Variants in SLC17A5 observed in about 807,000 individuals in gnomAD.
SLC17A5 encodes the protein sialin.
Under a neutral mutation model 59.4 loss-of-function variants are expected in SLC17A5, and 47 were observed. That is an observed-to-expected ratio of 0.79 (90% CI 0.63 to 1.01). SLC17A5 has a LOEUF of 1.01. Among genes scored for constraint, SLC17A5 ranks in the 50% least tolerant of loss-of-function variants. The probability of loss-of-function intolerance (pLI) is 0.00; values close to 1 mark genes in which losing one functional copy is unlikely to be tolerated. For missense variants in SLC17A5, 522 were observed against 595.5 expected (o/e 0.88, Z 1.28); for synonymous variants, 202 against 210.7 (o/e 0.96, Z 0.36).
chr6:73,604,729 T>C (rs1741898), intron 9 of SLC17A5, among the ~76,000 whole-genome samples: 60,079 of 151,972 alleles, frequency 0.4, 12,387 homozygotes, highest in African/African-American at 0.49. Context: ...CCAGCCTGGG[T>C]GACAGGGTGT....
chr6:73,653,701 C>T, intron 1 of SLC17A5, 92 bp downstream of exon 1: 4 of 1,310,906 alleles, frequency 3.1e-6, no homozygotes, highest in Middle Eastern at 4.5e-4. Flanking sequence ...CCCGCCGGCG[C>T]AGGGTGCGGG....
chr6:73,599,927 G>C (rs768301994), intron 10 of SLC17A5, among the ~76,000 whole-genome samples: 2 of 152,074 alleles, frequency 1.3e-5, no homozygotes, highest in Non-Finnish European at 2.9e-5. Flanking sequence ...CTCCTGAGTA[G>C]CTGGGACTAC....
intron 6 of SLC17A5, among the ~76,000 whole-genome samples, chr6:73,623,258 C>T (rs567287934): frequency 2.0e-4 from 31 of 152,142 alleles, no homozygotes; most frequent in Non-Finnish European, 3.8e-4. Context: ...AGGCTGGTCT[C>T]GAACTCCTGA....
Position 73,631,670 on chromosome 6 carries a change from C to A in SLC17A5, c.819+3712G>T, listed in dbSNP as rs1233952029. Among the ~76,000 whole-genome samples the A allele has an allele frequency of 3.8e-4, 58 of 151,842 alleles. 1 individual carries two copies. The highest frequency in any genetic ancestry group is 3.7e-3 in the Admixed American group (56 of 15,258). On this transcript the variant is annotated intron_variant, in intron 6 of 10. Transcript: ENST00000355773. ...ACACAAGGAAGCTTTTCCTGTCTGC[C>A]CCAGGCTGGCTGAGGACTGCCACCT...
chr6:73,628,292 T>C (rs1268764049), intron 6 of SLC17A5, among the ~76,000 whole-genome samples: 3 of 152,108 alleles, frequency 2.0e-5, no homozygotes, highest in Non-Finnish European at 4.4e-5. Flanking sequence ...TATGCGTGGC[T>C]GGGCGTGGTG....
intron 9 of SLC17A5, among the ~76,000 whole-genome samples, chr6:73,601,072 G>A (rs1262366774): frequency 1.4e-5 from 2 of 147,934 alleles, no homozygotes; most frequent in Admixed American, 6.8e-5. Flanking sequence ...GTCTCTGCCC[G>A]GCCGCCATCC....
At chr6:73,624,450 A>C (rs1768308026) in intron 6 of SLC17A5, among the ~76,000 whole-genome samples, 1 of 152,184 alleles carries the variant, frequency 6.6e-6, no homozygotes, top group Admixed American at 6.5e-5. Context: ...GTTATAGCAA[A>C]GAAGTTTTTT....
At chr6:73,604,992 T>C (rs1267947704) in intron 9 of SLC17A5, among the ~76,000 whole-genome samples, 1 of 152,202 alleles carries the variant, frequency 6.6e-6, no homozygotes, top group Non-Finnish European at 1.5e-5. Context: ...TATCTTCATT[T>C]TATTTTTAAA....
chr6:73,619,217 T>G (rs1309074608), intron 7 of SLC17A5, among the ~76,000 whole-genome samples: 1 of 152,078 alleles, frequency 6.6e-6, no homozygotes, highest in Non-Finnish European at 1.5e-5. Context: ...ACTTCAAAGA[T>G]CAAGAGCCCT....
In SLC17A5 at chr6:73,645,241, T is replaced by A. The variant is rs538181166; in HGVS notation, c.95-638A>T. The A allele has an allele frequency of 4.8e-5, 39 of 814,326 alleles. No individual in the cohort carries two copies. In the African/African-American group the frequency reaches 6.1e-4, roughly 13 times the overall value. 50.4% of individuals were successfully genotyped at this position (814,326 alleles called of 1,614,324 possible). On this transcript the variant is annotated intron_variant, in intron 1 of 10. Coordinates refer to ENST00000355773, the MANE Select transcript of SLC17A5 (RefSeq NM_012434.5). ...GTTAAATGTAGCATAGCAAAAAAAA[T>A]TTACTGCCAAGGGTAGGGCATGAAA...
chr6:73,635,742 C>CTT lies in SLC17A5; in HGVS notation c.701-244_701-243dup, dbSNP rs34409077. Reference sequence around the variant, plus strand: ...TGCTTATACATTTTGAAGAAAACAACTTTTTTTTTTTTTTTTGAGATAGAG... The same window carrying CTT: ...TGCTTATACATTTTGAAGAAAACAACTTTTTTTTTTTTTTTTTTGAGATAGAG... On this transcript the variant is annotated intron_variant, in intron 5 of 10. Transcript: ENST00000355773. 1.2e-3 allele frequency among the ~76,000 whole-genome samples: 174 copies of CTT among 142,334 alleles called. No individual in the cohort carries two copies. The Middle Eastern group carries it at 0.015, about 12-fold the overall frequency. 93.4% of individuals were successfully genotyped at this position (142,334 alleles called of 152,430 possible). A position where few individuals can be genotyped will look rare whatever the true frequency, so the allele number is the denominator to read the frequency against.
intron 7 of SLC17A5, among the ~76,000 whole-genome samples, chr6:73,616,174 G>A (rs867033948): frequency 1.2e-4 from 18 of 152,130 alleles, no homozygotes; most frequent in Middle Eastern, 3.4e-3. Context: ...ATGAGCCACC[G>A]CACCCGGCCT....
At position 73,653,912 on chromosome 6, in the gene SLC17A5, G is replaced by A. The variant is rs755979900; in HGVS notation, c.-26C>T. 39 of 1,573,906 alleles carry A rather than the reference G, an allele frequency of 2.5e-5. No individual in the cohort carries two copies. The Admixed American group carries it at 3.9e-4, about 16-fold the overall frequency. ...GACGCCTACGTGAGCAGGTGTACTC[G>A]CCACCTGGCAGAGAAGGGAGCGCCG... On this transcript the variant is annotated 5_prime_UTR_variant, in exon 1 of 11. Transcript: ENST00000355773.
At chr6:73,604,732 CAG>C (rs1767317969) in intron 9 of SLC17A5, among the ~76,000 whole-genome samples, 1 of 152,102 alleles carries the variant, frequency 6.6e-6, no homozygotes, top group East Asian at 1.9e-4. Flanking sequence ...GCCTGGGTGA[CAG>C]GGTGTGACTC....
At chr6:73,605,790 C>T (rs1767364875) in intron 9 of SLC17A5, among the ~76,000 whole-genome samples, 2 of 151,888 alleles carry the variant, frequency 1.3e-5, no homozygotes, top group Admixed American at 6.6e-5. Context: ...CCAGCATGAC[C>T]AACATGGAGA....
chr6:73,607,024 C>G (rs1405677219), intron 9 of SLC17A5, among the ~76,000 whole-genome samples: 2 of 152,180 alleles, frequency 1.3e-5, no homozygotes, highest in Non-Finnish European at 2.9e-5. Context: ...TCAGCATTTT[C>G]CTTTCTGAAA....
In SLC17A5 at chr6:73,594,916, T is replaced by C; in HGVS notation, c.*161A>G. The C allele has an allele frequency of 1.3e-6, 1 of 751,684 alleles. No individual in the cohort carries two copies. Among genetic ancestry groups the C allele is most frequent in the South Asian group, 1.7e-5 (1 of 60,396 alleles). The allele number at this position is 751,684 out of a possible 1,614,324, so 46.6% of individuals were successfully genotyped here. A position where few individuals can be genotyped will look rare whatever the true frequency, so the allele number is the denominator to read the frequency against. On this transcript the variant is annotated 3_prime_UTR_variant, in exon 11 of 11. Transcript: ENST00000355773. ...CATAATTAAACACAGTTCATTTTAT[T>C]ATTCTGGCAACTAGTGATATTTCAT...
intron 1 of SLC17A5, among the ~76,000 whole-genome samples, chr6:73,646,592 T>TGCA (rs769837859): frequency 5.3e-5 from 8 of 152,368 alleles, no homozygotes; most frequent in Non-Finnish European, 1.2e-4. Context: ...TGCTTTCTGC[T>TGCA]GCAACCAAAT....
At chr6:73,647,550 T>C (rs1207252468) in intron 1 of SLC17A5, among the ~76,000 whole-genome samples, 2 of 152,240 alleles carry the variant, frequency 1.3e-5, no homozygotes, top group East Asian at 1.9e-4. Flanking sequence ...TCTATCCTTA[T>C]TTGCAGTTAT....
Sources: gnomAD v4.1 joint callset for allele counts (sites outside exome capture counted in the v4.1 genomes callset) on GRCh38, gnomAD v4.1.1 for gene constraint, MANE v1.5 for transcripts, NCBI Gene and HGNC (gene_info 2026-07-23, HGNC 2026-07-21) for gene names.